The following UBE2N variants were observed in gnomAD, a reference collection of about 807,000 sequenced individuals.
The protein encoded by UBE2N is ubiquitin conjugating enzyme E2 N.
For synonymous variants in UBE2N, 70 were observed against 69.2 expected, an observed-to-expected ratio of 1.01 and a Z score of -0.06; for missense variants, 60 against 192.1, an observed-to-expected ratio of 0.31 and a Z score of 4.07.
intron 1 of UBE2N, among the ~76,000 whole-genome samples, chr12:93,437,183 A>AC (rs1391310422): frequency 6.6e-6 from 1 of 152,178 alleles, no homozygotes; most frequent in Non-Finnish European, 1.5e-5. Context: ...TTTGAGAAAA[A>AC]AAAAAGAGCC....
At position 93,405,852 on chromosome 12, in the gene UBE2N, T is replaced by C. The variant is rs1360518733; in HGVS notation, c.*4187A>G. 1.3e-5 allele frequency: 2 copies of C among 152,212 alleles called. No homozygotes were observed. The highest frequency in any genetic ancestry group is 2.1e-4 in the South Asian group (1 of 4,834). The allele number at this position is 152,212 out of a possible 1,614,324, so 9.4% of individuals were successfully genotyped here. Reference sequence around the variant, plus strand: ...TATCATCCCAGCCCAAAAGTACTTATTCGAATGAAATATTACATTTTTCTT... The same window carrying C: ...TATCATCCCAGCCCAAAAGTACTTACTCGAATGAAATATTACATTTTTCTT... On this transcript the variant is annotated 3_prime_UTR_variant, in exon 4 of 4. Coordinates refer to ENST00000318066, the MANE Select transcript of UBE2N (RefSeq NM_003348.4).
intron 1 of UBE2N, among the ~76,000 whole-genome samples, chr12:93,438,414 A>G (rs1446109419): frequency 6.6e-6 from 1 of 152,208 alleles, no homozygotes; most frequent in African/African-American, 2.4e-5. Flanking sequence ...AAGCAATGCA[A>G]CAAACTGGAG....
chr12:93,411,392 A>G (rs537896292), intron 1 of UBE2N, 93 bp from the exon 2 acceptor site: 10 of 1,486,106 alleles, frequency 6.7e-6, no homozygotes, highest in Non-Finnish European at 9.0e-6. Flanking sequence ...AGAACTACGC[A>G]TAATAGAACA....
Position 93,415,141 on chromosome 12 carries a change from A to G in UBE2N, c.31-3842T>C, listed in dbSNP as rs188018104. On this transcript the variant is annotated intron_variant, in intron 1 of 3. Coordinates refer to ENST00000318066, the MANE Select transcript of UBE2N (RefSeq NM_003348.4). ...CTTATATTTATTTTTAACCAGAAAA[A>G]TGTTCATATTTAAATAAGCTTTTAG... 2.6e-3 allele frequency among the ~76,000 whole-genome samples: 393 copies of G among 151,600 alleles called. 1 individual carries two copies. Among genetic ancestry groups the G allele is most frequent in the African/African-American group, 9.4e-3 (385 of 40,848 alleles).
chr12:93,431,270 C>T (rs1250178597), intron 1 of UBE2N, among the ~76,000 whole-genome samples: 1 of 152,238 alleles, frequency 6.6e-6, no homozygotes. Flanking sequence ...AAACACAACC[C>T]AAAACAAGTA....
chr12:93,410,643 C>G (rs941888182), intron 3 of UBE2N, 91 bp downstream of exon 3: 1 of 1,546,576 alleles, frequency 6.5e-7, no homozygotes, highest in South Asian at 1.2e-5. Context: ...TTTTCTATTT[C>G]TTTTCCTTGC....
chr12:93,432,737 T>A (rs531416847), intron 1 of UBE2N, among the ~76,000 whole-genome samples: 1 of 151,884 alleles, frequency 6.6e-6, no homozygotes, highest in South Asian at 2.1e-4. Context: ...AAAAAAAAAA[T>A]TGAAAATCTA....
chr12:93,441,453 A>G (rs1056865915), intron 1 of UBE2N, among the ~76,000 whole-genome samples: 4 of 152,042 alleles, frequency 2.6e-5, no homozygotes, highest in African/African-American at 9.7e-5. Context: ...TCGGGCCACA[A>G]TCCCCACCAG....
intron 1 of UBE2N, among the ~76,000 whole-genome samples, chr12:93,412,591 C>A (rs192999603): frequency 6.6e-6 from 1 of 152,298 alleles, no homozygotes; most frequent in South Asian, 2.1e-4. Flanking sequence ...GTATACTGAA[C>A]AAAGGAGACA....
chr12:93,434,609 T>G (rs1878874987), intron 1 of UBE2N, among the ~76,000 whole-genome samples: 1 of 152,152 alleles, frequency 6.6e-6, no homozygotes, highest in South Asian at 2.1e-4. Flanking sequence ...AGCCTGAAAG[T>G]TTAATCACTA....
intron 1 of UBE2N, among the ~76,000 whole-genome samples, chr12:93,412,567 G>GT (rs1427169621): frequency 6.6e-6 from 1 of 152,244 alleles, no homozygotes; most frequent in African/African-American, 2.4e-5. Context: ...CTCGCCAGGA[G>GT]TTTTGCCACA....
intron 1 of UBE2N, among the ~76,000 whole-genome samples, chr12:93,435,917 T>C (rs946444767): frequency 6.1e-5 from 9 of 148,696 alleles, no homozygotes; most frequent in Non-Finnish European, 1.1e-4. Flanking sequence ...TGTATTTTCT[T>C]AAGTAAATTT....
intron 1 of UBE2N, among the ~76,000 whole-genome samples, chr12:93,427,970 T>C (rs757363630): frequency 2.8e-4 from 42 of 152,172 alleles, no homozygotes; most frequent in Admixed American, 7.2e-4. Context: ...GGCTAGAGTA[T>C]AGTGACACAA....
chr12:93,432,417 T>C (rs1274108381), intron 1 of UBE2N, among the ~76,000 whole-genome samples: 1 of 150,682 alleles, frequency 6.6e-6, no homozygotes, highest in Non-Finnish European at 1.5e-5. Flanking sequence ...CCTATGTTAC[T>C]AAAACCACTT....
intron 1 of UBE2N, among the ~76,000 whole-genome samples, chr12:93,415,687 TCCATCCTTTAATTTTACC>T (rs1878184959): frequency 6.6e-6 from 1 of 152,066 alleles, no homozygotes; most frequent in African/African-American, 2.4e-5. Flanking sequence ...TCTCCTCACC[TCCATCCTTTAATTTTACC>T]CCAGGTCTTC....
chr12:93,436,580 C>T (rs1457882747), intron 1 of UBE2N, among the ~76,000 whole-genome samples: 1 of 152,064 alleles, frequency 6.6e-6, no homozygotes, highest in Non-Finnish European at 1.5e-5. Flanking sequence ...ATTTGAGGGA[C>T]ATTTTAGGTA....
intron 1 of UBE2N, among the ~76,000 whole-genome samples, chr12:93,435,597 G>C (rs567939753): frequency 6.6e-6 from 1 of 152,356 alleles, no homozygotes. Context: ...TTGCACTCCA[G>C]GCTGGGCAAC....
chr12:93,423,019 T>C (rs1046585334), intron 1 of UBE2N, among the ~76,000 whole-genome samples: 6 of 152,246 alleles, frequency 3.9e-5, no homozygotes, highest in Admixed American at 2.6e-4. Flanking sequence ...CATCCAGCAC[T>C]TCTTGCGCAT....
At chr12:93,417,241 C>T (rs555153577) in intron 1 of UBE2N, among the ~76,000 whole-genome samples, 2 of 152,304 alleles carry the variant, frequency 1.3e-5, no homozygotes, top group African/African-American at 4.8e-5. Context: ...TCAAATTGAT[C>T]TAATTATCAA....
Sources: gnomAD v4.1 joint callset for allele counts (sites outside exome capture counted in the v4.1 genomes callset) on GRCh38, gnomAD v4.1.1 for gene constraint, MANE v1.5 for transcripts, NCBI Gene and HGNC (gene_info 2026-07-23, HGNC 2026-07-21) for gene names.